Variants in LGR5 observed in about 807,000 individuals in gnomAD.
LGR5 encodes leucine-rich repeat-containing G protein-coupled receptor 5.
In LGR5, 54 loss-of-function variants were observed where a neutral mutation model predicts 76.7. The observed-to-expected ratio is 0.70, with a 90% CI of 0.57 to 0.88. LGR5 has a LOEUF of 0.88. Among genes scored for constraint, LGR5 ranks in the 40% least tolerant of loss-of-function variants. The probability of loss-of-function intolerance (pLI) is 0.00; values close to 1 mark genes in which losing one functional copy is unlikely to be tolerated. For synonymous variants in LGR5, 406 were observed against 421.9 expected (o/e 0.96, Z 0.46); for missense variants, 1,078 against 1,073.3 (o/e 1.00, Z -0.06).
chr12:71,546,334 A>ATATT (rs990436046), intron 4 of LGR5, among the ~76,000 whole-genome samples: 1 of 151,460 alleles, frequency 6.6e-6, no homozygotes, highest in South Asian at 2.1e-4. Flanking sequence ...ATATATATAT[A>ATATT]TTAACTGTTT....
At chr12:71,496,341 C>A (rs1874315340) in intron 1 of LGR5, among the ~76,000 whole-genome samples, 1 of 129,514 alleles carries the variant, frequency 7.7e-6, no homozygotes. Flanking sequence ...GCACTCCAGT[C>A]TGGGCAACAG....
rs151302269 is a variant in LGR5, at chr12:71,581,823, C to G, written c.1553-633C>G. ...GAGTTTATTTTCAAAGGCAGTGATT[C>G]TCAACCCTGGACCACATATTACACT... is the stretch of plus-strand genomic sequence containing the variant. On this transcript the variant is annotated intron_variant, in intron 16 of 17. Transcript: ENST00000266674. Among the ~76,000 whole-genome samples the G allele has an allele frequency of 1.0e-3, 157 of 152,330 alleles. 1 individual carries two copies. Among genetic ancestry groups the G allele is most frequent in the African/African-American group, 3.7e-3 (154 of 41,582 alleles).
intron 1 of LGR5, among the ~76,000 whole-genome samples, chr12:71,449,144 G>C (rs1872147668): frequency 6.6e-6 from 1 of 152,188 alleles, no homozygotes; most frequent in African/African-American, 2.4e-5. Context: ...GATAGTATCA[G>C]AGAACTGAAA....
intron 4 of LGR5, among the ~76,000 whole-genome samples, chr12:71,544,804 C>T (rs943769046): frequency 1.3e-5 from 2 of 152,108 alleles, no homozygotes; most frequent in Non-Finnish European, 2.9e-5. Context: ...ACACGATTTT[C>T]ACTTTATTGA....
chr12:71,566,584 C>T (rs759469110), intron 9 of LGR5, 48 bp from the exon 10 acceptor site: 11 of 1,554,598 alleles, frequency 7.1e-6, no homozygotes, highest in Admixed American at 3.3e-5. Flanking sequence ...AAAAATTACC[C>T]CTGTCTAGAA....
intron 4 of LGR5, among the ~76,000 whole-genome samples, chr12:71,546,682 A>C (rs1162385582): frequency 6.6e-6 from 1 of 152,094 alleles, no homozygotes; most frequent in Non-Finnish European, 1.5e-5. Flanking sequence ...GTACTTTCCC[A>C]CTAGGCCCTC....
chr12:71,496,563 A>G (rs1318124959), intron 1 of LGR5, among the ~76,000 whole-genome samples: 1 of 152,208 alleles, frequency 6.6e-6, no homozygotes, highest in Non-Finnish European at 1.5e-5. Context: ...ACCAATAGTC[A>G]GCAATTCTAC....
intron 13 of LGR5, among the ~76,000 whole-genome samples, chr12:71,574,762 G>C (rs1000955239): frequency 6.6e-6 from 1 of 152,048 alleles, no homozygotes; most frequent in Non-Finnish European, 1.5e-5. Context: ...ATTGCCTATA[G>C]GATTCCTCCC....
chr12:71,529,057 A>T (rs995409130), intron 3 of LGR5, among the ~76,000 whole-genome samples: 10 of 152,180 alleles, frequency 6.6e-5, no homozygotes, highest in African/African-American at 2.4e-4. Flanking sequence ...CTCAATTGTG[A>T]GTGTCACACT....
intron 3 of LGR5, among the ~76,000 whole-genome samples, chr12:71,526,462 C>T (rs1350115718): frequency 1.3e-5 from 2 of 152,146 alleles, no homozygotes; most frequent in Non-Finnish European, 2.9e-5. Context: ...TATTTAGACC[C>T]TCTCTTTTAT....
At chr12:71,454,917 G>A (rs1037983703) in intron 1 of LGR5, among the ~76,000 whole-genome samples, 4 of 151,420 alleles carry the variant, frequency 2.6e-5, no homozygotes, top group African/African-American at 4.9e-5. Context: ...TAAAGCAACC[G>A]GAATACTCCT....
intron 3 of LGR5, among the ~76,000 whole-genome samples, chr12:71,531,964 T>C (rs17109776): frequency 2.2e-3 from 336 of 152,128 alleles, no homozygotes; most frequent in African/African-American, 7.7e-3. Flanking sequence ...AACTATTCAA[T>C]GACAAAAAGC....
At chr12:71,444,749 T>G (rs1420755429) in intron 1 of LGR5, among the ~76,000 whole-genome samples, 2 of 152,174 alleles carry the variant, frequency 1.3e-5, no homozygotes, top group African/African-American at 2.4e-5. Context: ...AACACAAAAC[T>G]GGTCTATGAT....
chr12:71,540,171 T>C (rs1266805525), intron 4 of LGR5, among the ~76,000 whole-genome samples: 1 of 152,210 alleles, frequency 6.6e-6, no homozygotes, highest in African/African-American at 2.4e-5. Context: ...AAAAAATTGC[T>C]TCATTTGTGA....
At chr12:71,445,341 G>A (rs1164767322) in intron 1 of LGR5, among the ~76,000 whole-genome samples, 1 of 152,186 alleles carries the variant, frequency 6.6e-6, no homozygotes, top group Non-Finnish European at 1.5e-5. Flanking sequence ...AAAACAAAAT[G>A]AGCTGAGTAT....
chr12:71,554,637 C>T (rs1877667229), intron 5 of LGR5, among the ~76,000 whole-genome samples: 1 of 152,130 alleles, frequency 6.6e-6, no homozygotes, highest in Non-Finnish European at 1.5e-5. Flanking sequence ...TCAGCCTATG[C>T]CCAGGAATAG....
chr12:71,510,314 A>G (rs1026748827), intron 2 of LGR5, among the ~76,000 whole-genome samples: 1 of 152,178 alleles, frequency 6.6e-6, no homozygotes, highest in Non-Finnish European at 1.5e-5. Flanking sequence ...CTATCCATCC[A>G]GCTAGATATA....
chr12:71,510,562 A>G (rs571042346), intron 2 of LGR5, among the ~76,000 whole-genome samples: 6 of 152,170 alleles, frequency 3.9e-5, no homozygotes, highest in Non-Finnish European at 5.9e-5. Context: ...CACTAAGAAC[A>G]TAAGAGCAAA....
chr12:71,583,249 C>T (rs562925116), intron 17 of LGR5, among the ~76,000 whole-genome samples: 6 of 152,256 alleles, frequency 3.9e-5, no homozygotes, highest in South Asian at 2.1e-4. Flanking sequence ...CATAATATTA[C>T]GGAGTATTTC....
Sources: allele counts gnomAD v4.1 joint callset (sites outside exome capture counted in the v4.1 genomes callset), GRCh38; gene constraint gnomAD v4.1.1; transcripts MANE v1.5; gene names NCBI Gene and HGNC (gene_info 2026-07-23, HGNC 2026-07-21).